CLCN6: variants seen among roughly 807,000 people sequenced by gnomAD.
CLCN6 encodes the protein H(+)/Cl(-) exchange transporter 6.
Under a neutral mutation model 109.8 loss-of-function variants are expected in CLCN6, and 70 were observed. That is an observed-to-expected ratio of 0.64 (90% CI 0.53 to 0.78). The LOEUF (loss-of-function observed/expected upper bound fraction) is 0.78, where lower values mean the gene tolerates loss of function less well. Ranked by LOEUF, CLCN6 falls within the 30% of genes least tolerant of loss-of-function variation. CLCN6 has a pLI of 0.00. For missense variants in CLCN6, 984 were observed against 1,142.3 expected (o/e 0.86, Z 2.00); for synonymous variants, 444 against 447.8 (o/e 0.99, Z 0.11).
intron 13 of CLCN6, among the ~76,000 whole-genome samples, chr1:11,832,006 T>A (rs1233698653): frequency 1.3e-5 from 2 of 152,232 alleles, no homozygotes; most frequent in Admixed American, 6.5e-5. Flanking sequence ...AGGGCCTTAT[T>A]CCCATAAGTG....
Position 11,838,636 on chromosome 1 carries a change from GC to G in CLCN6, c.2508del (p.Val837TrpfsTer2). 1 of 1,614,232 alleles carries G rather than the reference GC, an allele frequency of 6.2e-7. No individual in the cohort carries two copies. Among genetic ancestry groups the G allele is most frequent in the Non-Finnish European group, 8.5e-7 (1 of 1,180,038 alleles). ...LFRTMGLRHLPVVNAVGEIVG... is the reference protein window; with the variant it reads ...LFRTMGLRHLXVVNAVGEIVG... ...TCAGAACGATGGGCCTGCGCCACCT[GC>G]CCGTGGTGAACGCTGTGGGAGAGGT... is the stretch of plus-strand genomic sequence containing the variant. On this transcript the variant is annotated frameshift_variant, in exon 22 of 23. Coordinates refer to ENST00000346436, the MANE Select transcript of CLCN6 (RefSeq NM_001286.5). LOFTEE classifies it high-confidence loss of function.
intron 9 of CLCN6, 67 bp downstream of exon 9, chr1:11,826,281 C>A: frequency 1.6e-6 from 2 of 1,284,668 alleles, no homozygotes; most frequent in South Asian, 1.2e-5. Context: ...GGGTCAGACT[C>A]GACACTTGCT....
chr1:11,830,738 T>A (rs935924964), intron 13 of CLCN6, among the ~76,000 whole-genome samples: 3 of 80,460 alleles, frequency 3.7e-5, no homozygotes, highest in Non-Finnish European at 4.9e-5. Flanking sequence ...ATGTATATAT[T>A]ATATATATAT....
intron 19 of CLCN6, 80 bp downstream of exon 19, chr1:11,837,236 G>A (rs1195870424): frequency 3.1e-6 from 5 of 1,589,432 alleles, no homozygotes; most frequent in Admixed American, 1.7e-5. Context: ...GTTGTGAGGT[G>A]GCTCCTGAGT....
chr1:11,826,509 G>A (rs1475498130), intron 9 of CLCN6, among the ~76,000 whole-genome samples: 3 of 152,220 alleles, frequency 2.0e-5, no homozygotes, highest in Non-Finnish European at 4.4e-5. Context: ...TTAGGAAGGC[G>A]TTTTGTATTC....
At position 11,837,174 on chromosome 1, in the gene CLCN6, C is replaced by CTCT; in HGVS notation, c.2138+18_2138+19insTCT. ...GAAAGGAGGTGAGAGCCTGGCGGGG[C>CTCT]CCCCACTGCCCGCAGGGCTACACAG... On this transcript the variant is annotated intron_variant, in intron 19 of 22. Coordinates refer to ENST00000346436, the MANE Select transcript of CLCN6 (RefSeq NM_001286.5). 1.2e-6 allele frequency: 2 copies of CTCT among 1,610,430 alleles called. No individual in the cohort carries two copies. Among genetic ancestry groups the CTCT allele is most frequent in the Non-Finnish European group, 1.7e-6 (2 of 1,179,346 alleles).
chr1:11,806,225 G>T lies in CLCN6; in HGVS notation c.-38G>T, dbSNP rs764522149. ...AGGCGCAGATCCTGGCTGGGAGGGG[G>T]TTGGTAGAGGGGTCCAGAGTGGCAG... is the stretch of plus-strand genomic sequence containing the variant. On this transcript the variant is annotated 5_prime_UTR_variant, in exon 1 of 23. Transcript: ENST00000346436. 7 of 1,401,940 alleles carry T rather than the reference G, an allele frequency of 5.0e-6. No individual in the cohort carries two copies. Among genetic ancestry groups the T allele is most frequent in the East Asian group, 2.8e-5 (1 of 35,736 alleles). 86.8% of individuals were successfully genotyped at this position (1,401,940 alleles called of 1,614,324 possible). A position where few individuals can be genotyped will look rare whatever the true frequency, so the allele number is the denominator to read the frequency against.
chr1:11,812,378 A>G (rs1644610223), intron 2 of CLCN6, among the ~76,000 whole-genome samples: 2 of 152,344 alleles, frequency 1.3e-5, no homozygotes, highest in Non-Finnish European at 2.9e-5. Context: ...GGAACCTCCA[A>G]ACGGTTCAGC....
intron 5 of CLCN6, among the ~76,000 whole-genome samples, chr1:11,821,888 GAC>G (rs1161598165): frequency 6.9e-6 from 1 of 144,654 alleles, no homozygotes; most frequent in African/African-American, 2.7e-5. Flanking sequence ...AAAAATTTTA[GAC>G]AAGTGAAAGT....
Position 11,834,951 on chromosome 1 carries a change from A to G in CLCN6, c.1793+361A>G, listed in dbSNP as rs1297436934. On this transcript the variant is annotated intron_variant, in intron 17 of 22. Coordinates refer to ENST00000346436, the MANE Select transcript of CLCN6 (RefSeq NM_001286.5). This position sits in a 1 kb window ranked among gnomAD's most constrained non-coding sequence, Gnocchi z 4.5. ...AGAATAGCCTGTTTCACATGTGCCC[A>G]CCAGAATGCCCTACTGCCAGCCGGG... 6.6e-6 allele frequency among the ~76,000 whole-genome samples: 1 copy of G among 152,170 alleles called. No homozygotes were observed. Among genetic ancestry groups the G allele is most frequent in the Non-Finnish European group, 1.5e-5 (1 of 68,028 alleles).
Position 11,817,332 on chromosome 1 carries a change from G to A in CLCN6, c.279+652G>A, listed in dbSNP as rs141219038. 4.5e-3 allele frequency among the ~76,000 whole-genome samples: 684 copies of A among 152,266 alleles called. 7 individuals carry two copies. Among genetic ancestry groups the A allele is most frequent in the Admixed American group, 0.018 (278 of 15,286 alleles). ...TTTAGCACAGCGTGCCAGTGAACAG[G>A]GTGGCACACCATAGCTATTGATCTC... On this transcript the variant is annotated intron_variant, in intron 4 of 22. Transcript: ENST00000346436.
At position 11,822,797 on chromosome 1, in the gene CLCN6, T is replaced by C. The variant is rs201301950; in HGVS notation, c.449T>C (p.Ile150Thr). ...FVFLASLLVL[I>T]EPVAAGSGIP... ...TTCCTGGCAAGCCTCCTTGTTCTCA[T>C]TGAGGTGAGGTGGTTTGGATTCACC... Residue 150 changes from isoleucine (I) to threonine (T), a missense_variant, in exon 6 of 23, where the codon ATT becomes ACT. Ile to Thr is a moderately conservative substitution (Grantham distance 89, BLOSUM62 -1). Coordinates refer to ENST00000346436, the MANE Select transcript of CLCN6 (RefSeq NM_001286.5). 1.2e-5 allele frequency: 20 copies of C among 1,609,708 alleles called. No homozygotes were observed. The highest frequency in any genetic ancestry group is 1.0e-4 in the Admixed American group (6 of 60,016).
At chr1:11,837,887 C>T (rs533287072) in intron 20 of CLCN6, among the ~76,000 whole-genome samples, 12 of 152,260 alleles carry the variant, frequency 7.9e-5, no homozygotes, top group African/African-American at 2.9e-4. Flanking sequence ...GGACGCTTGT[C>T]ACCGGATTTG....
chr1:11,827,184 G>A lies in CLCN6; in HGVS notation c.803G>A (p.Gly268Asp), dbSNP rs901852489. 6.2e-7 allele frequency: 1 copy of A among 1,613,444 alleles called. No homozygotes were observed. Residue 268 changes from glycine (G) to aspartate (D), a missense_variant, in exon 10 of 23, where the codon GGT (glycine) becomes GAT (aspartate). By Grantham distance (94) the Gly-to-Asp change is moderately conservative. Transcript: ENST00000346436. ...GGTACCTTGTTCAGTCTAGAGGAGGGTTCGTCCTTCTGGAACCAAGGGCTC... is the reference window on the plus strand; with the variant it reads ...GGTACCTTGTTCAGTCTAGAGGAGGATTCGTCCTTCTGGAACCAAGGGCTC... ...IGGTLFSLEE[G>D]SSFWNQGLTW...
chr1:11,826,900 G>T lies in CLCN6; in HGVS notation c.708-189G>T, dbSNP rs564007260. Among the ~76,000 whole-genome samples the T allele has an allele frequency of 3.9e-5, 6 of 152,260 alleles. No homozygotes were observed. The South Asian group carries it at 1.2e-3, about 32-fold the overall frequency. On this transcript the variant is annotated intron_variant, in intron 9 of 22. Transcript: ENST00000346436. ...AGCCGCCATGCTGAAAGGGACTCTG[G>T]TGCTAAGGTGTGTGGCTCTCGGGTG...
At chr1:11,831,489 A>G (rs1436508994) in intron 13 of CLCN6, among the ~76,000 whole-genome samples, 2 of 152,138 alleles carry the variant, frequency 1.3e-5, no homozygotes, top group African/African-American at 4.8e-5. Context: ...AGAGAAAAAA[A>G]AGAATATGCC....
At chr1:11,835,336 G>A (rs1289658418) in intron 17 of CLCN6, among the ~76,000 whole-genome samples, 2 of 152,196 alleles carry the variant, frequency 1.3e-5, no homozygotes, top group East Asian at 3.8e-4. Flanking sequence ...AGGGTGGCAT[G>A]ATTATAGCTC....
intron 1 of CLCN6, chr1:11,806,928 G>A: frequency 1.7e-6 from 1 of 576,416 alleles, no homozygotes; most frequent in Non-Finnish European, 3.1e-6. Flanking sequence ...GAGACTATCA[G>A]TGGAAATGAA....
intron 13 of CLCN6, among the ~76,000 whole-genome samples, chr1:11,830,475 T>C (rs1644865053): frequency 6.6e-6 from 1 of 152,144 alleles, no homozygotes; most frequent in Admixed American, 6.5e-5. Context: ...TAGGGTATTA[T>C]AAATAATCTA....
Sources: gnomAD v4.1 joint callset for allele counts (sites outside exome capture counted in the v4.1 genomes callset) on GRCh38, gnomAD v4.1.1 for gene constraint, Gnocchi (gnomAD v3.1) non-coding constraint, MANE v1.5 for transcripts, NCBI Gene and HGNC (gene_info 2026-07-23, HGNC 2026-07-21) for gene names.